Variants in SLC26A9 observed in about 807,000 individuals in gnomAD.
The protein encoded by SLC26A9 is anion transporter/exchanger protein 9.
In SLC26A9, 46 loss-of-function variants were observed where a neutral mutation model predicts 87.1. That is an observed-to-expected ratio of 0.53 (90% CI 0.42 to 0.67). The LOEUF is 0.67. Among genes scored for constraint, SLC26A9 ranks in the 30% least tolerant of loss-of-function variants. The pLI, the probability that SLC26A9 is intolerant of heterozygous loss-of-function variation, is 0.00. For synonymous variants in SLC26A9, 437 were observed against 409.1 expected, an observed-to-expected ratio of 1.07 and a Z score of -0.82; for missense variants, 927 against 1,018.3, an observed-to-expected ratio of 0.91 and a Z score of 1.22.
chr1:205,922,976 C>T, intron 16 of SLC26A9, 106 bp downstream of exon 16: 1 of 915,848 alleles, frequency 1.1e-6, no homozygotes, highest in Non-Finnish European at 1.8e-6. Flanking sequence ...TCTGTCTTTG[C>T]CTGTCAGGGT....
chr1:205,916,458 A>G (rs1325105450), intron 20 of SLC26A9, among the ~76,000 whole-genome samples: 1 of 152,228 alleles, frequency 6.6e-6, no homozygotes, highest in Non-Finnish European at 1.5e-5. Context: ...TAGACCCAGA[A>G]TCCATCTATT....
chr1:205,929,294 G>A lies in SLC26A9; in HGVS notation c.780C>T (p.Leu260=), dbSNP rs555685211. Residue 260 remains leucine (L), a synonymous_variant, in exon 7 of 21, where the codon CTC becomes CTT. Coordinates refer to ENST00000367135, the MANE Select transcript of SLC26A9 (RefSeq NM_052934.4). ...HTNIASLIFA[L]ISGAFLVLVK... is the part of the protein sequence containing the mutation. The stretch of plus-strand genomic sequence containing the variant: ...CCAGCACCAGGAAGGCACCGCTGAT[G>A]AGAGCGAAGATGAGCGAGGCGATGT... The A allele has an allele frequency of 2.3e-5, 37 of 1,614,248 alleles. No homozygotes were observed. In the South Asian group the frequency reaches 4.0e-4, roughly 17 times the overall value.
At position 205,927,466 on chromosome 1, in the gene SLC26A9, C is replaced by A. The variant is rs755976978; in HGVS notation, c.1215+26G>T. 2.5e-6 allele frequency: 4 copies of A among 1,608,542 alleles called. No homozygotes were observed. The Middle Eastern group carries it at 6.6e-4, about 267-fold the overall frequency. On this transcript the variant is annotated intron_variant, in intron 10 of 20. Transcript: ENST00000367135. ...GGCAACTGTTCTCTTACCACCTCCC[C>A]CCAACTCCCCTAGAACAAGGCTCAC...
chr1:205,924,359 A>G lies in SLC26A9; in HGVS notation c.1496+24T>C, dbSNP rs3811425. 9.9e-6 allele frequency: 16 copies of G among 1,609,830 alleles called. No homozygotes were observed. The East Asian group carries it at 3.6e-4, about 36-fold the overall frequency. On this transcript the variant is annotated intron_variant, in intron 13 of 20. Coordinates refer to ENST00000367135, the MANE Select transcript of SLC26A9 (RefSeq NM_052934.4). ...GGCCCAGGGAACCGACTGTGGGCCT[A>G]GGAGGGCGGAAGCTATCACTTACAA...
In SLC26A9 at chr1:205,932,127, G is replaced by C. The variant is rs1659333510; in HGVS notation, c.377-92C>G. ...GCCCAGGAATGCTTCCCGACCCCAG[G>C]GGGATGGATCCCTGCACCTCCAAGG... On this transcript the variant is annotated intron_variant, in intron 4 of 20. Transcript: ENST00000367135. 2.0e-6 allele frequency: 3 copies of C among 1,485,140 alleles called. No individual in the cohort carries two copies. The East Asian group carries it at 6.8e-5, about 34-fold the overall frequency. 92.0% of individuals were successfully genotyped at this position (1,485,140 alleles called of 1,614,324 possible). A position where few individuals can be genotyped will look rare whatever the true frequency, so the allele number is the denominator to read the frequency against.
intron 18 of SLC26A9, 81 bp from the exon 19 acceptor site, chr1:205,919,066 G>A (rs767378579): frequency 6.4e-7 from 1 of 1,565,560 alleles, no homozygotes; most frequent in Non-Finnish European, 8.7e-7. Flanking sequence ...AGTGAGACCA[G>A]AGCAGGGATG....
chr1:205,931,454 G>A (rs952333007), intron 5 of SLC26A9, among the ~76,000 whole-genome samples: 3 of 110,698 alleles, frequency 2.7e-5, no homozygotes, highest in African/African-American at 9.9e-5. Flanking sequence ...GAGGAGGTGA[G>A]CCCTAACTTG....
chr1:205,929,178 A>G (rs1373826264), intron 7 of SLC26A9, 26 bp downstream of exon 7: 2 of 1,598,902 alleles, frequency 1.3e-6, no homozygotes, highest in Middle Eastern at 1.7e-4. Context: ...GCCCCCCAAC[A>G]TCCCAGCTCT....
intron 8 of SLC26A9, 41 bp from the exon 9 acceptor site, chr1:205,928,090 A>G (rs370633669): frequency 6.1e-5 from 97 of 1,598,818 alleles, no homozygotes; most frequent in Non-Finnish European, 8.1e-5. Flanking sequence ...CAAGGGTGTG[A>G]GTGGGGAGGG....
intron 19 of SLC26A9, among the ~76,000 whole-genome samples, chr1:205,918,498 C>T (rs372340355): frequency 6.6e-6 from 1 of 152,134 alleles, no homozygotes; most frequent in Non-Finnish European, 1.5e-5. Context: ...AGGCAGGGAA[C>T]GATGCCAGCA....
At position 205,919,233 on chromosome 1, in the gene SLC26A9, T is replaced by C. The variant is rs560220096; in HGVS notation, c.2111-248A>G. Among the ~76,000 whole-genome samples, 4 of 152,290 alleles carry C rather than the reference T, an allele frequency of 2.6e-5. No individual in the cohort carries two copies. The East Asian group carries it at 5.8e-4, about 22-fold the overall frequency. Reference sequence around the variant, plus strand: ...AGTTTGATTTAGGGAGTCAGTACTTTGTGGTGATTCGAGTGGAAAAGCCTA... The same window carrying C: ...AGTTTGATTTAGGGAGTCAGTACTTCGTGGTGATTCGAGTGGAAAAGCCTA... On this transcript the variant is annotated intron_variant, in intron 18 of 20. Transcript: ENST00000367135.
intron 17 of SLC26A9, among the ~76,000 whole-genome samples, chr1:205,920,639 A>G (rs1658789352): frequency 6.6e-6 from 1 of 152,108 alleles, no homozygotes; most frequent in Non-Finnish European, 1.5e-5. Flanking sequence ...AGCTGGGACT[A>G]CAGGGGCCCG....
intron 20 of SLC26A9, among the ~76,000 whole-genome samples, 184 bp downstream of exon 20, chr1:205,917,097 TAA>T (rs397957046): frequency 2.2e-4 from 24 of 110,916 alleles, no homozygotes; most frequent in Admixed American, 2.8e-4. Context: ...TGTCTCAAAT[TAA>T]AAAAAAAAAA....
rs1659250585 is a variant in SLC26A9 at position 205,930,206 on chromosome 1, T to G, written c.553-150A>C. The G allele has an allele frequency of 9.3e-6, 7 of 749,854 alleles. No individual in the cohort carries two copies. In the South Asian group the frequency reaches 1.7e-4, roughly 18 times the overall value. The allele number at this position is 749,854 out of a possible 1,614,324, so 46.5% of individuals were successfully genotyped here. ...AATTGGACCATCTGTGACCTTCACCTGCCCTTCACTGTGCTCTACATGGCT... is the reference window on the plus strand; with the variant it reads ...AATTGGACCATCTGTGACCTTCACCGGCCCTTCACTGTGCTCTACATGGCT... On this transcript the variant is annotated intron_variant, in intron 5 of 20. Coordinates refer to ENST00000367135, the MANE Select transcript of SLC26A9 (RefSeq NM_052934.4).
intron 13 of SLC26A9, 128 bp from the exon 14 acceptor site, chr1:205,923,741 G>A: frequency 1.0e-6 from 1 of 978,326 alleles, no homozygotes; most frequent in South Asian, 1.4e-5. Flanking sequence ...CAGACTTGCT[G>A]TGTCTGTCTT....
chr1:205,916,138 C>A (rs1307671696), intron 20 of SLC26A9, among the ~76,000 whole-genome samples: 1 of 152,128 alleles, frequency 6.6e-6, no homozygotes, highest in Non-Finnish European at 1.5e-5. Flanking sequence ...GCTCTGTCAC[C>A]CAAGCTGGAG....
chr1:205,938,050 G>A (rs942358750), intron 1 of SLC26A9, among the ~76,000 whole-genome samples: 2 of 152,054 alleles, frequency 1.3e-5, no homozygotes, highest in Non-Finnish European at 2.9e-5. Context: ...AGTTCCGGTA[G>A]TGTGTTTGCG....
intron 1 of SLC26A9, among the ~76,000 whole-genome samples, chr1:205,941,491 C>T (rs1318500607): frequency 6.6e-6 from 1 of 152,112 alleles, no homozygotes; most frequent in Admixed American, 6.5e-5. Context: ...TTTTTAAACA[C>T]TCCTTTTCCT....
chr1:205,934,720 T>A (rs1659439878), intron 2 of SLC26A9, among the ~76,000 whole-genome samples: 1 of 152,214 alleles, frequency 6.6e-6, no homozygotes, highest in African/African-American at 2.4e-5. Flanking sequence ...CAATAGCAGA[T>A]CTTCTCATCC....
Sources: allele counts gnomAD v4.1 joint callset (sites outside exome capture counted in the v4.1 genomes callset), GRCh38; gene constraint gnomAD v4.1.1; transcripts MANE v1.5; gene names NCBI Gene and HGNC (gene_info 2026-07-23, HGNC 2026-07-21).